The following PTCD3 variants were observed in gnomAD, a reference collection of about 807,000 sequenced individuals.
PTCD3 encodes small ribosomal subunit protein mS39.
PTCD3 carries 89 observed loss-of-function variants against 101.9 expected under a neutral mutation model. The ratio of observed to expected loss-of-function variants is 0.87; its 90% confidence interval spans 0.74 to 1.04. PTCD3 has a LOEUF of 1.04. Ranked by LOEUF, PTCD3 falls within the 50% of genes least tolerant of loss-of-function variation. The pLI is 0.00. For synonymous variants in PTCD3, 296 were observed against 278.5 expected (o/e 1.06, Z -0.63); for missense variants, 870 against 828.2 (o/e 1.05, Z -0.62).
chr2:86,112,946 C>T (rs1447542102), intron 4 of PTCD3, among the ~76,000 whole-genome samples: 1 of 152,132 alleles, frequency 6.6e-6, no homozygotes, highest in African/African-American at 2.4e-5. Flanking sequence ...AATAATGTAC[C>T]TGTCATGCTG....
intron 16 of PTCD3, among the ~76,000 whole-genome samples, chr2:86,131,434 A>C (rs1674493200): frequency 6.6e-6 from 1 of 152,026 alleles, no homozygotes; most frequent in Admixed American, 6.6e-5. Flanking sequence ...ATGTAGTTTC[A>C]CCATGTTGAC....
In PTCD3 at chr2:86,137,503, G is replaced by A. The variant is rs1405135522; in HGVS notation, c.2014G>A (p.Asp672Asn). The A allele has an allele frequency of 1.2e-6, 2 of 1,613,308 alleles. No homozygotes were observed. Among genetic ancestry groups the A allele is most frequent in the East Asian group, 4.5e-5 (2 of 44,846 alleles). ...AAGTAATCTAACTGCATTGACCAGT[G>A]ACAGTGATACTGACAGCAGCAGTGA... ...ALSNLTALTS[D>N]SDTDSSSDSD... Residue 672 changes from aspartate to asparagine, a missense_variant, in exon 24 of 24, where the codon GAC becomes AAC. By Grantham distance (23) the Asp-to-Asn change is conservative. Transcript: ENST00000254630.
rs751680698 is a variant in PTCD3 at position 86,130,666 on chromosome 2, C to T, written c.1166C>T (p.Ser389Leu). The change falls in exon 15 of 24, where the codon TCA (serine) becomes TTA (leucine). Residue 389 changes from serine (S) to leucine (L), a missense_variant. Transcript: ENST00000254630. ...FDQPGDPLKR[S>L]SFIIYDIMNE... The stretch of plus-strand genomic sequence containing the variant: ...TCTGCAGGAGACCCTTTAAAGAGAT[C>T]ATCCTTCATCATTTATGATATAATG... The T allele has an allele frequency of 6.2e-7, 1 of 1,612,854 alleles. No homozygotes were observed. Among genetic ancestry groups the T allele is most frequent in the Admixed American group, 1.7e-5 (1 of 59,852 alleles).
intron 6 of PTCD3, among the ~76,000 whole-genome samples, chr2:86,117,512 A>G (rs1396725176): frequency 1.3e-5 from 2 of 151,686 alleles, no homozygotes; most frequent in Admixed American, 6.6e-5. Flanking sequence ...CAATGGTACA[A>G]TCATAGCTCA....
chr2:86,127,048 TA>T, intron 12 of PTCD3, 112 bp from the exon 13 acceptor site: 1 of 910,818 alleles, frequency 1.1e-6, no homozygotes, highest in Non-Finnish European at 1.6e-6. Flanking sequence ...ATATAGTTAC[TA>T]ACCTGCTTTA....
chr2:86,122,298 A>C (rs1361621828), intron 8 of PTCD3, among the ~76,000 whole-genome samples: 1 of 152,216 alleles, frequency 6.6e-6, no homozygotes, highest in Non-Finnish European at 1.5e-5. Flanking sequence ...TTTTGTAAAA[A>C]TGTTTTTACA....
intron 21 of PTCD3, chr2:86,135,819 C>T (rs1300456798): frequency 8.6e-5 from 41 of 476,402 alleles, no homozygotes; most frequent in Non-Finnish European, 1.5e-4. Flanking sequence ...AGACGTATGA[C>T]ATTTGCATTT....
chr2:86,137,207 G>C, intron 23 of PTCD3, 67 bp downstream of exon 23: 1 of 1,475,368 alleles, frequency 6.8e-7, no homozygotes, highest in Non-Finnish European at 9.1e-7. Context: ...CATTCAAAAT[G>C]TTCATAGCTT....
At chr2:86,128,025 A>G (rs780238677) in intron 14 of PTCD3, 34 bp downstream of exon 14, 3 of 1,506,724 alleles carry the variant, frequency 2.0e-6, no homozygotes, top group African/African-American at 2.8e-5. Context: ...TAATTTATAT[A>G]GAAAATTGAC....
intron 9 of PTCD3, among the ~76,000 whole-genome samples, chr2:86,123,964 C>T (rs183705533): frequency 6.6e-6 from 1 of 152,322 alleles, no homozygotes; most frequent in East Asian, 1.9e-4. Flanking sequence ...ACACAAGAAT[C>T]TGTTGAGACT....
intron 3 of PTCD3, 75 bp from the exon 4 acceptor site, chr2:86,111,038 G>T: frequency 7.5e-7 from 1 of 1,324,676 alleles, no homozygotes; most frequent in South Asian, 1.2e-5. Context: ...CCAGTACACT[G>T]AGAGTAGAAT....
chr2:86,130,299 CAAAA>C (rs773381891), intron 14 of PTCD3, among the ~76,000 whole-genome samples: 5 of 143,762 alleles, frequency 3.5e-5, no homozygotes, highest in Non-Finnish European at 7.6e-5. Context: ...GACTCCATCT[CAAAA>C]AAAAAAAAAT....
chr2:86,120,860 C>T (rs1010658895), intron 7 of PTCD3, among the ~76,000 whole-genome samples: 2 of 152,172 alleles, frequency 1.3e-5, no homozygotes, highest in South Asian at 2.1e-4. Flanking sequence ...TCCTTGCACT[C>T]CAGCCTGGGC....
rs761455035 is a variant in PTCD3, at chr2:86,123,772, A to G, written c.716+10A>G. On this transcript the variant is annotated intron_variant, in intron 9 of 23. Transcript: ENST00000254630. ...TTGGAGTTACATGGCGGTATGTCAC[A>G]CGTAATTAGAACCTTGAATTACAGT... is the stretch of plus-strand genomic sequence containing the variant. 5 of 1,583,996 alleles carry G rather than the reference A, an allele frequency of 3.2e-6. No homozygotes were observed. In the South Asian group the frequency reaches 5.7e-5, roughly 18 times the overall value.
At chr2:86,112,545 G>A (rs1020268600) in intron 4 of PTCD3, among the ~76,000 whole-genome samples, 6 of 151,612 alleles carry the variant, frequency 4.0e-5, no homozygotes, top group African/African-American at 1.5e-4. Context: ...AAATTACGAG[G>A]CATGGTGGCA....
chr2:86,108,115 G>C (rs1385539009), intron 1 of PTCD3, among the ~76,000 whole-genome samples: 1 of 146,410 alleles, frequency 6.8e-6, no homozygotes, highest in East Asian at 2.0e-4. Flanking sequence ...AATGGAGCAA[G>C]ACCCTGTCTC....
At chr2:86,127,597 A>C (rs1480433592) in intron 13 of PTCD3, 1 of 465,156 alleles carries the variant, frequency 2.1e-6, no homozygotes, top group Non-Finnish European at 3.8e-6. Context: ...CAACATAATT[A>C]GGTATTTGAA....
chr2:86,114,064 A>G (rs1674136030), intron 4 of PTCD3, among the ~76,000 whole-genome samples: 1 of 152,122 alleles, frequency 6.6e-6, no homozygotes, highest in African/African-American at 2.4e-5. Context: ...AAGAAGTTAT[A>G]GAATTGTGTG....
chr2:86,112,909 T>A (rs113375961), intron 4 of PTCD3, among the ~76,000 whole-genome samples: 91 of 152,252 alleles, frequency 6.0e-4, no homozygotes, highest in Non-Finnish European at 1.1e-3. Context: ...TAGGGGACGA[T>A]TTGGCTGTAG....
Sources: gnomAD v4.1 joint callset for allele counts (sites outside exome capture counted in the v4.1 genomes callset) on GRCh38, gnomAD v4.1.1 for gene constraint, MANE v1.5 for transcripts, NCBI Gene and HGNC (gene_info 2026-07-23, HGNC 2026-07-21) for gene names.